The following GSE1 variants were observed in gnomAD, a reference collection of about 807,000 sequenced individuals.
GSE1 encodes genetic suppressor element 1.
Under a neutral mutation model 112.6 loss-of-function variants are expected in GSE1, and 32 were observed. That is an observed-to-expected ratio of 0.28 (90% CI 0.21 to 0.38). The LOEUF is 0.38. GSE1 is among the 10% of genes least tolerant of loss of function. GSE1 has a pLI of 1.00. For synonymous variants in GSE1, 1,115 were observed against 735.6 expected (o/e 1.52, Z -8.35); for missense variants, 2,348 against 1,699.2 (o/e 1.38, Z -6.71).
chr16:85,470,532 G>C (rs986242525), intron 2 of GSE1, among the ~76,000 whole-genome samples: 1 of 152,178 alleles, frequency 6.6e-6, no homozygotes, highest in African/African-American at 2.4e-5. Context: ...CCCTTGTTGG[G>C]GTGCTAAACT....
chr16:85,421,611 A>C (rs1326628505), intron 2 of GSE1, among the ~76,000 whole-genome samples: 1 of 152,186 alleles, frequency 6.6e-6, no homozygotes, highest in Non-Finnish European at 1.5e-5. Flanking sequence ...GGCTGCTGGC[A>C]GCTGCTCATT....
intron 1 of GSE1, among the ~76,000 whole-genome samples, chr16:85,323,230 G>A (rs570170448): frequency 2.0e-5 from 3 of 152,248 alleles, no homozygotes; most frequent in Non-Finnish European, 4.4e-5. Flanking sequence ...TCAATAGAGC[G>A]TTTTTGTGCT....
intron 2 of GSE1, among the ~76,000 whole-genome samples, chr16:85,384,226 G>A (rs556001343): frequency 6.6e-6 from 1 of 152,284 alleles, no homozygotes; most frequent in Non-Finnish European, 1.5e-5. Context: ...TGGGGGCCCC[G>A]AGACCCTCTC....
chr16:85,357,208 G>T (rs1330709351), intron 1 of GSE1, among the ~76,000 whole-genome samples: 2 of 152,198 alleles, frequency 1.3e-5, no homozygotes, highest in Non-Finnish European at 2.9e-5. Context: ...AGATGGGGCT[G>T]TGTGGGTGGG....
chr16:85,563,052 C>G (rs1262347905), intron 1 of GSE1, among the ~76,000 whole-genome samples: 1 of 152,142 alleles, frequency 6.6e-6, no homozygotes, highest in Non-Finnish European at 1.5e-5. Flanking sequence ...GGGATTGTCC[C>G]CTTTTGGTGG....
chr16:85,367,011 C>A (rs1355534754), intron 2 of GSE1, among the ~76,000 whole-genome samples: 1 of 152,196 alleles, frequency 6.6e-6, no homozygotes, highest in African/African-American at 2.4e-5. Flanking sequence ...CAGGCACAGA[C>A]CGTCTCTGCA....
At position 85,668,283 on chromosome 16, in the gene GSE1, C is replaced by T. The variant is rs1055047374; in HGVS notation, c.3274C>T (p.Pro1092Ser). The part of the protein sequence containing the change: ...QQEPPTARKG[P>S]PTQELDRDSE... ...GGAGCCCCCCACTGCAAGGAAGGGC[C>T]CCCCAACCCAGGAGTTGGACCGGGA... Residue 1092 changes from proline (P) to serine (S), a missense_variant, in exon 14 of 16, where the codon CCC (proline) becomes TCC (serine). Pro to Ser is a moderately conservative substitution (Grantham distance 74, BLOSUM62 -1). Coordinates refer to ENST00000253458, the MANE Select transcript of GSE1 (RefSeq NM_014615.5). The T allele has an allele frequency of 6.8e-6, 11 of 1,611,718 alleles. No homozygotes were observed. The highest frequency in any genetic ancestry group is 2.7e-5 in the African/African-American group (2 of 74,838).
intron 2 of GSE1, among the ~76,000 whole-genome samples, chr16:85,496,481 C>T (rs1272085477): frequency 6.6e-6 from 1 of 152,192 alleles, no homozygotes; most frequent in Non-Finnish European, 1.5e-5. Context: ...AGGGTGCTGG[C>T]GAGGCGGGCA....
chr16:85,654,995 A>G lies in GSE1; in HGVS notation c.797+4A>G. The G allele has an allele frequency of 6.5e-7, 1 of 1,549,884 alleles. No homozygotes were observed. The highest frequency in any genetic ancestry group is 8.8e-7 in the Non-Finnish European group (1 of 1,135,128). ...CCTTCCCCCACCCGGCCTTCAGGTG[A>G]GGCATCCCCCACGCGCCCTCTCGTC... On this transcript the variant is annotated splice_donor_region_variant and intron_variant, in intron 5 of 15. Transcript: ENST00000253458.
At chr16:85,379,886 C>T (rs910323766) in intron 2 of GSE1, among the ~76,000 whole-genome samples, 10 of 152,336 alleles carry the variant, frequency 6.6e-5, no homozygotes, top group African/African-American at 2.2e-4. Context: ...GGTTCTAAGA[C>T]GTAGCCATTA....
rs1719543918 is a variant in GSE1, at chr16:85,675,695, C to CT, written c.*3159dup. 6.6e-6 allele frequency: 1 copy of CT among 152,240 alleles called. No individual in the cohort carries two copies. The highest frequency in any genetic ancestry group is 2.4e-5 in the African/African-American group (1 of 41,454). 9.4% of individuals were successfully genotyped at this position (152,240 alleles called of 1,614,324 possible). Reference sequence around the variant, plus strand: ...CTGAATTTCACACCAGATCCTACCCCTTTCCCTGAGCCACATGTTTCACAC... The same window carrying CT: ...CTGAATTTCACACCAGATCCTACCCCTTTTCCCTGAGCCACATGTTTCACAC... On this transcript the variant is annotated 3_prime_UTR_variant, in exon 16 of 16. Transcript: ENST00000253458.
chr16:85,403,976 G>T (rs144795069), intron 2 of GSE1, among the ~76,000 whole-genome samples: 52 of 151,750 alleles, frequency 3.4e-4, no homozygotes, highest in East Asian at 2.5e-3. Context: ...GCTCACTGCA[G>T]CCTTCAGGGC....
chr16:85,652,442 G>A (rs2051442908), intron 3 of GSE1, among the ~76,000 whole-genome samples: 1 of 152,232 alleles, frequency 6.6e-6, no homozygotes, highest in Non-Finnish European at 1.5e-5. Context: ...GCACCCTGGA[G>A]AGGCAGGTCA....
chr16:85,423,925 C>A (rs921755374), intron 2 of GSE1, among the ~76,000 whole-genome samples: 3 of 152,144 alleles, frequency 2.0e-5, no homozygotes, highest in African/African-American at 7.3e-5. Context: ...AGCCCCAGTA[C>A]CTGCACCCCA....
intron 2 of GSE1, among the ~76,000 whole-genome samples, chr16:85,439,580 G>A (rs1292238754): frequency 6.6e-6 from 1 of 152,036 alleles, no homozygotes; most frequent in East Asian, 1.9e-4. Flanking sequence ...ACACTGAGGT[G>A]CTTTGTAATT....
intron 1 of GSE1, among the ~76,000 whole-genome samples, chr16:85,305,302 A>G (rs1476952871): frequency 6.6e-6 from 1 of 152,092 alleles, no homozygotes; most frequent in East Asian, 1.9e-4. Context: ...GATTATTATT[A>G]TTTGGAGGTG....
At chr16:85,258,781 C>T (rs1040095829) in intron 1 of GSE1, among the ~76,000 whole-genome samples, 3 of 152,230 alleles carry the variant, frequency 2.0e-5, no homozygotes, top group African/African-American at 7.2e-5. Flanking sequence ...GCTTGTCAGG[C>T]CCGCGAAGGG....
chr16:85,367,989 A>G (rs2047219283), intron 2 of GSE1, among the ~76,000 whole-genome samples: 1 of 151,668 alleles, frequency 6.6e-6, no homozygotes, highest in African/African-American at 2.4e-5. Flanking sequence ...AGCTGGGATT[A>G]CAGGCATGTG....
rs530184525 is a variant in GSE1 at position 85,373,033 on chromosome 16, A to C, written c.2464+15390A>C. Among the ~76,000 whole-genome samples, 2 of 152,366 alleles carry C rather than the reference A, an allele frequency of 1.3e-5. No individual in the cohort carries two copies. The highest frequency in any genetic ancestry group is 3.9e-4 in the East Asian group (2 of 5,184). On this transcript the variant is annotated intron_variant, in intron 2 of 2. Transcript: ENST00000637419. This position sits in a 1 kb window ranked among gnomAD's most constrained non-coding sequence, Gnocchi z 5.1. ...AGGAAAGTGTTCTCTAAACTGTGAG[A>C]CATGCAGAAGTTCTCCAGAATCACC...
Sources: gnomAD v4.1 joint callset for allele counts (sites outside exome capture counted in the v4.1 genomes callset) on GRCh38, gnomAD v4.1.1 for gene constraint, Gnocchi (gnomAD v3.1) non-coding constraint, MANE v1.5 for transcripts, NCBI Gene and HGNC (gene_info 2026-07-23, HGNC 2026-07-21) for gene names.